Variants in VEGFC observed in about 807,000 individuals in gnomAD.
VEGFC encodes the protein vascular endothelial growth factor C.
VEGFC carries 12 observed loss-of-function variants against 46.1 expected under a neutral mutation model. The ratio of observed to expected loss-of-function variants is 0.26; its 90% confidence interval spans 0.17 to 0.42. The LOEUF is 0.42. Among genes scored for constraint, VEGFC ranks in the 10% least tolerant of loss-of-function variants. The pLI, the probability that VEGFC is intolerant of heterozygous loss-of-function variation, is 1.00. For missense variants in VEGFC, 488 were observed against 529.4 expected (o/e 0.92, Z 0.77); for synonymous variants, 232 against 195.5 (o/e 1.19, Z -1.56).
At chr4:176,718,857 T>G (rs1278626255) in intron 3 of VEGFC, among the ~76,000 whole-genome samples, 1 of 152,180 alleles carries the variant, frequency 6.6e-6, no homozygotes, top group Non-Finnish European at 1.5e-5. Flanking sequence ...TTCTTCTGCT[T>G]CTGCTTTCAT....
intron 1 of VEGFC, among the ~76,000 whole-genome samples, chr4:176,759,600 C>T (rs931328231): frequency 5.3e-5 from 8 of 151,954 alleles, no homozygotes; most frequent in Admixed American, 4.6e-4. Context: ...CAAACATTCT[C>T]ATCACAAAAA....
intron 1 of VEGFC, among the ~76,000 whole-genome samples, chr4:176,780,405 T>G (rs115977107): frequency 0.035 from 1,514 of 43,274 alleles, 19 homozygotes; most frequent in Middle Eastern, 0.3. Context: ...AAAAACTCCT[T>G]CTAACCCATT....
intron 1 of VEGFC, among the ~76,000 whole-genome samples, chr4:176,738,354 A>T (rs1735090921): frequency 6.6e-6 from 1 of 152,082 alleles, no homozygotes; most frequent in Non-Finnish European, 1.5e-5. Flanking sequence ...AAGAAGAGAC[A>T]CATAGACCAA....
intron 1 of VEGFC, among the ~76,000 whole-genome samples, chr4:176,744,297 A>G (rs1735224214): frequency 6.6e-6 from 1 of 152,058 alleles, no homozygotes; most frequent in Non-Finnish European, 1.5e-5. Flanking sequence ...GAGTAAGAAT[A>G]TACAGAGTGC....
intron 1 of VEGFC, among the ~76,000 whole-genome samples, chr4:176,779,508 AACACGTGT>A (rs1735871162): frequency 6.6e-6 from 1 of 152,176 alleles, no homozygotes; most frequent in Admixed American, 6.5e-5. Flanking sequence ...AGATTTGCAT[AACACGTGT>A]CTAAAATTTT....
At chr4:176,704,963 A>G (rs552802575) in intron 4 of VEGFC, among the ~76,000 whole-genome samples, 2 of 45,476 alleles carry the variant, frequency 4.4e-5, no homozygotes, top group Non-Finnish European at 1.1e-4. Flanking sequence ...GTATCTTTCT[A>G]TCTCTGTGGT....
chr4:176,765,467 A>G (rs931395985), intron 1 of VEGFC, among the ~76,000 whole-genome samples: 2 of 152,118 alleles, frequency 1.3e-5, no homozygotes, highest in African/African-American at 4.8e-5. Context: ...AAAAATTGCT[A>G]TGATCATCAA....
At chr4:176,788,758 A>G (rs1043549960) in intron 1 of VEGFC, among the ~76,000 whole-genome samples, 1 of 152,228 alleles carries the variant, frequency 6.6e-6, no homozygotes, top group African/African-American at 2.4e-5. Flanking sequence ...TGTAAAGTCC[A>G]AAAGTCCTAA....
chr4:176,767,614 A>C (rs1735649720), intron 1 of VEGFC, among the ~76,000 whole-genome samples: 2 of 152,172 alleles, frequency 1.3e-5, no homozygotes, highest in Admixed American at 6.5e-5. Flanking sequence ...TGTTTCCTTG[A>C]CACTGTCCAC....
Position 176,792,099 on chromosome 4 carries a change from T to G in VEGFC, c.147+66A>C. 1 of 1,401,730 alleles carries G rather than the reference T, an allele frequency of 7.1e-7. No individual in the cohort carries two copies. Among genetic ancestry groups the G allele is most frequent in the Admixed American group, 3.0e-5 (1 of 33,562 alleles). 86.8% of individuals were successfully genotyped at this position (1,401,730 alleles called of 1,614,324 possible). On this transcript the variant is annotated intron_variant, in intron 1 of 6. Coordinates refer to ENST00000618562, the MANE Select transcript of VEGFC (RefSeq NM_005429.5). This position sits in a 1 kb window ranked among gnomAD's most constrained non-coding sequence, Gnocchi z 6.3. ...CACACACACTTTCCCCCGCGCAGGT[T>G]CTCGGGTCCGCCGCAGACCCTAACG...
chr4:176,788,164 A>G (rs1736034362), intron 1 of VEGFC, among the ~76,000 whole-genome samples: 1 of 152,244 alleles, frequency 6.6e-6, no homozygotes, highest in South Asian at 2.1e-4. Flanking sequence ...ACAACTTTGA[A>G]AAACCGTTTG....
rs1297217475 is a variant in VEGFC, at chr4:176,792,615, C to T, written c.-304G>A. On this transcript the variant is annotated 5_prime_UTR_variant, in exon 1 of 7. Transcript: ENST00000618562. This position sits in a 1 kb window ranked among gnomAD's most constrained non-coding sequence, Gnocchi z 6.3. The stretch of plus-strand genomic sequence containing the variant: ...GAGGTGAAGCGAGGGCGAGGGAGGA[C>T]GCCGCCGCGGTCCGCGTCGGTGTAG... 5 of 282,808 alleles carry T rather than the reference C, an allele frequency of 1.8e-5. No individual in the cohort carries two copies. Among genetic ancestry groups the T allele is most frequent in the African/African-American group, 1.1e-4 (5 of 45,354 alleles). 17.5% of individuals were successfully genotyped at this position (282,808 alleles called of 1,614,324 possible). A position where few individuals can be genotyped will look rare whatever the true frequency, so the allele number is the denominator to read the frequency against.
intron 1 of VEGFC, among the ~76,000 whole-genome samples, chr4:176,790,609 G>A (rs1736074365): frequency 6.6e-6 from 1 of 152,014 alleles, no homozygotes; most frequent in East Asian, 1.9e-4. Context: ...CAGGCTATTG[G>A]CTTATCAGGG....
chr4:176,717,565 A>G (rs1734718484), intron 3 of VEGFC, among the ~76,000 whole-genome samples: 1 of 151,812 alleles, frequency 6.6e-6, no homozygotes, highest in Non-Finnish European at 1.5e-5. Flanking sequence ...TACTGAGAGG[A>G]TCTTGAGTTA....
intron 3 of VEGFC, among the ~76,000 whole-genome samples, chr4:176,721,657 A>G (rs897747075): frequency 1.3e-5 from 2 of 152,204 alleles, no homozygotes; most frequent in African/African-American, 2.4e-5. Context: ...ACTTGGCTTG[A>G]CCGACTGGCT....
At chr4:176,719,880 G>A (rs1673101530) in intron 3 of VEGFC, among the ~76,000 whole-genome samples, 1 of 152,046 alleles carries the variant, frequency 6.6e-6, no homozygotes, top group South Asian at 2.1e-4. Flanking sequence ...GGCCAACGTG[G>A]TGAAAACCTA....
intron 1 of VEGFC, among the ~76,000 whole-genome samples, chr4:176,746,189 T>C (rs2110887195): frequency 6.6e-6 from 1 of 152,198 alleles, no homozygotes; most frequent in East Asian, 1.9e-4. Context: ...AAATACCTTA[T>C]CCTCACCTTG....
intron 1 of VEGFC, among the ~76,000 whole-genome samples, chr4:176,762,679 C>T (rs944649038): frequency 2.6e-5 from 4 of 152,158 alleles, no homozygotes; most frequent in Non-Finnish European, 4.4e-5. Flanking sequence ...TATGTACTTC[C>T]ATATGTTTAA....
chr4:176,758,672 T>C (rs1735475955), intron 1 of VEGFC, among the ~76,000 whole-genome samples: 1 of 152,164 alleles, frequency 6.6e-6, no homozygotes, highest in Admixed American at 6.6e-5. Flanking sequence ...GCTCCTCTTC[T>C]AACCCTAGTG....
Sources: gnomAD v4.1 joint callset for allele counts (sites outside exome capture counted in the v4.1 genomes callset) on GRCh38, gnomAD v4.1.1 for gene constraint, Gnocchi (gnomAD v3.1) non-coding constraint, MANE v1.5 for transcripts, NCBI Gene and HGNC (gene_info 2026-07-23, HGNC 2026-07-21) for gene names.